Variants in DMD observed in about 807,000 individuals in gnomAD.
The protein encoded by DMD is dystrophin, also known as mutant dystrophin.
A neutral mutation model predicts 330.1 loss-of-function variants in DMD; 63 were observed. The ratio of observed to expected loss-of-function variants is 0.19; its 90% CI spans 0.16 to 0.24. The LOEUF (loss-of-function observed/expected upper bound fraction) is 0.24. Ranked by LOEUF, DMD falls within the 10% of genes least tolerant of loss-of-function variation. The pLI, the probability that DMD is intolerant of heterozygous loss-of-function variation, is 1.00. For synonymous variants in DMD, 1,223 were observed against 959.8 expected (o/e 1.27, Z -5.07); for missense variants, 3,344 against 2,684.1 (o/e 1.25, Z -5.43).
At chrX:32,422,424 A>G (rs1482025026) in intron 29 of DMD, among the ~76,000 whole-genome samples, 2 of 111,848 alleles carry the variant, frequency 1.8e-5, no homozygotes, top group Non-Finnish European at 3.8e-5. Flanking sequence ...GAGAAGGTCT[A>G]TGAAGACCGA....
chrX:32,463,149 A>T (rs1389231196), intron 25 of DMD, among the ~76,000 whole-genome samples: 3 of 111,703 alleles, frequency 2.7e-5, no homozygotes, highest in Non-Finnish European at 5.6e-5. Flanking sequence ...GTTCTGAAGA[A>T]AACATGGATT....
rs757730338 is a variant in DMD, at chrX:33,244,155, G to GT, written c.7+95103dup. Reference sequence around the variant, plus strand: ...ACTGTGTTGAATAGAAGTGGAGACAGTGAGTATCCTCGTCTTGTGCCAGAT... The same window carrying GT: ...ACTGTGTTGAATAGAAGTGGAGACAGTTGAGTATCCTCGTCTTGTGCCAGAT... On this transcript the variant is annotated intron_variant, in intron 1 of 17. Transcript: ENST00000288447. Among the ~76,000 whole-genome samples the GT allele has an allele frequency of 1.4e-4, 16 of 111,385 alleles. No homozygotes were observed. In the South Asian group the frequency reaches 6.0e-3, roughly 42 times the overall value.
chrX:31,544,027 G>A (rs1420784188), intron 55 of DMD, among the ~76,000 whole-genome samples: 1 of 111,538 alleles, frequency 9.0e-6, no homozygotes, highest in Non-Finnish European at 1.9e-5. Flanking sequence ...GAGTCATTTG[G>A]TTAAGGTATT....
intron 44 of DMD, among the ~76,000 whole-genome samples, chrX:32,040,869 G>A (rs1355787257): frequency 1.8e-5 from 2 of 111,007 alleles, no homozygotes; most frequent in South Asian, 3.8e-4. Flanking sequence ...GGGGACCCAT[G>A]GGCAGATGCT....
At chrX:31,261,971 GAA>G (rs2050565528) in intron 62 of DMD, among the ~76,000 whole-genome samples, 2 of 111,861 alleles carry the variant, frequency 1.8e-5, no homozygotes, top group African/African-American at 6.5e-5. Flanking sequence ...GGGAGGGAAG[GAA>G]AAAAGAGAAA....
At chrX:33,074,633 G>T (rs2094810931) in intron 1 of DMD, among the ~76,000 whole-genome samples, 1 of 110,712 alleles carries the variant, frequency 9.0e-6, no homozygotes, top group Admixed American at 9.7e-5. Flanking sequence ...GAATGGCACT[G>T]GTGGCTTGAT....
At chrX:32,317,977 G>C (rs2097589914) in intron 41 of DMD, among the ~76,000 whole-genome samples, 1 of 110,454 alleles carries the variant, frequency 9.1e-6, no homozygotes, top group Non-Finnish European at 1.9e-5. Context: ...GTTTGTATCT[G>C]ATTATCTTTC....
At chrX:33,076,425 T>C (rs1426703765) in intron 1 of DMD, among the ~76,000 whole-genome samples, 1 of 111,539 alleles carries the variant, frequency 9.0e-6, no homozygotes, top group Non-Finnish European at 1.9e-5. Context: ...AGTATGTATG[T>C]ATACCCAACA....
chrX:31,700,132 G>A (rs2083713139), intron 52 of DMD, among the ~76,000 whole-genome samples: 1 of 108,723 alleles, frequency 9.2e-6, no homozygotes, highest in Non-Finnish European at 1.9e-5. Context: ...GTTGCAGTGA[G>A]CCGAGATTGC....
Position 31,819,980 on chromosome X carries a change from C to T in DMD, c.7304G>A (p.Gly2435Glu). The change falls in exon 50 of 79, where the codon GGA becomes GAA. Residue 2435 changes from glycine (G) to glutamate (E), a missense_variant. Coordinates refer to ENST00000357033, the MANE Select transcript of DMD (RefSeq NM_004006.3). ...PDLAPGLTTI[G>E]ASPTQTVTLV... ...ATGGGATCCAGTATACTTACAGGCT[C>T]CAATAGTGGTCAGTCCAGGAGCTAG... The T allele has an allele frequency of 8.3e-7, 1 of 1,207,946 alleles. No individual in the cohort carries two copies. Among genetic ancestry groups the T allele is most frequent in the Non-Finnish European group, 1.1e-6 (1 of 891,828 alleles).
chrX:31,441,319 C>T (rs769376772), intron 60 of DMD, among the ~76,000 whole-genome samples: 82 of 111,727 alleles, frequency 7.3e-4, no homozygotes, highest in Non-Finnish European at 1.3e-3. Flanking sequence ...GCCTCAGCCT[C>T]CAGAGTAGCT....
In DMD at chrX:31,187,717, CAGAGAGAGAGAG is replaced by C. The variant is rs55674554; in HGVS notation, c.9808-4825_9808-4814del. 5.2e-3 allele frequency among the ~76,000 whole-genome samples: 348 copies of C among 66,733 alleles called. 1 individual carries two copies. Among genetic ancestry groups the C allele is most frequent in the African/African-American group, 9.5e-3 (158 of 16,627 alleles). The allele number at this position is 66,733 out of a possible 115,157, so 57.9% of individuals were successfully genotyped here. A position where few individuals can be genotyped will look rare whatever the true frequency, so the allele number is the denominator to read the frequency against. On this transcript the variant is annotated intron_variant, in intron 67 of 78. Coordinates refer to ENST00000357033, the MANE Select transcript of DMD (RefSeq NM_004006.3). ...CAGCTCTGGAATCTTCCCAGATTCTCAGAGAGAGAGAGAGAGAGAGAGAGAGAGAGAGAGAGA... is the reference window on the plus strand; with the variant it reads ...CAGCTCTGGAATCTTCCCAGATTCTCAGAGAGAGAGAGAGAGAGAGAGAGA...
chrX:32,397,708 T>C (rs886517256), intron 30 of DMD, among the ~76,000 whole-genome samples: 10 of 111,414 alleles, frequency 9.0e-5, no homozygotes, highest in African/African-American at 3.3e-4. Context: ...ATTTTAAATA[T>C]AGGACTTTAC....
At chrX:32,732,495 T>C (rs1490899463) in intron 7 of DMD, among the ~76,000 whole-genome samples, 5 of 110,941 alleles carry the variant, frequency 4.5e-5, no homozygotes, top group African/African-American at 1.3e-4. Context: ...GGAAAAAGTG[T>C]TAAGGGCAGC....
chrX:31,587,565 T>C (rs1055203301), intron 55 of DMD, among the ~76,000 whole-genome samples: 1 of 112,357 alleles, frequency 8.9e-6, no homozygotes, highest in African/African-American at 3.2e-5. Flanking sequence ...TCATGCATGC[T>C]GGCAAAGCCA....
chrX:31,628,915 CAT>C (rs10524146), intron 54 of DMD, among the ~76,000 whole-genome samples: 13,628 of 82,614 alleles, frequency 0.16, 1,044 homozygotes, highest in Non-Finnish European at 0.22. Flanking sequence ...TATTTTTGAT[CAT>C]ATATATATAT....
At chrX:32,099,362 T>C (rs1009561120) in intron 44 of DMD, among the ~76,000 whole-genome samples, 25 of 110,946 alleles carry the variant, frequency 2.3e-4, no homozygotes, top group Admixed American at 1.3e-3. Context: ...GAACTAGAAA[T>C]ACCATTTGAC....
At chrX:31,596,444 A>G (rs769920685) in intron 55 of DMD, among the ~76,000 whole-genome samples, 1 of 112,047 alleles carries the variant, frequency 8.9e-6, no homozygotes, top group African/African-American at 3.2e-5. Flanking sequence ...CTACTCTGAT[A>G]CAGCTTAATA....
At position 32,216,519 on chromosome X, in the gene DMD, A is replaced by G. The variant is rs1459096230; in HGVS notation, c.6438+397T>C. On this transcript the variant is annotated intron_variant, in intron 44 of 78. Transcript: ENST00000357033. ...TTTAGGAAAACAGAACTGTAATTTT[A>G]TCATGATGGATATTTCTAGCAACTT... Among the ~76,000 whole-genome samples, 17 of 112,134 alleles carry G rather than the reference A, an allele frequency of 1.5e-4. No homozygotes were observed. In the Admixed American group the frequency reaches 1.6e-3, roughly 11 times the overall value.
Sources: gnomAD v4.1 joint callset for allele counts (sites outside exome capture counted in the v4.1 genomes callset) on GRCh38, gnomAD v4.1.1 for gene constraint, MANE v1.5 for transcripts, NCBI Gene and HGNC (gene_info 2026-07-23, HGNC 2026-07-21) for gene names.